Variants in ARHGAP29 observed in about 807,000 individuals in gnomAD.
ARHGAP29 encodes Rho GTPase activating protein 29, also known as rho GTPase-activating protein 29.
Under a neutral mutation model 122.6 loss-of-function variants are expected in ARHGAP29, and 43 were observed. The ratio of observed to expected loss-of-function variants is 0.35; its 90% CI spans 0.27 to 0.45. The LOEUF is 0.45. Ranked by LOEUF, ARHGAP29 falls within the 20% of genes least tolerant of loss-of-function variation. The probability of loss-of-function intolerance (pLI) is 1.00; values close to 1 mark genes in which losing one functional copy is unlikely to be tolerated. For missense variants in ARHGAP29, 1,303 were observed against 1,477.2 expected, an observed-to-expected ratio of 0.88 and a Z score of 1.93; for synonymous variants, 506 against 497.1, an observed-to-expected ratio of 1.02 and a Z score of -0.24.
intron 1 of ARHGAP29, among the ~76,000 whole-genome samples, chr1:94,262,875 C>T (rs1654617241): frequency 6.6e-6 from 1 of 152,098 alleles, no homozygotes; most frequent in Non-Finnish European, 1.5e-5. Context: ...CCATTCAACC[C>T]AGCAATTCCA....
At chr1:94,245,412 G>GA (rs1653756728) in intron 1 of ARHGAP29, among the ~76,000 whole-genome samples, 1 of 152,004 alleles carries the variant, frequency 6.6e-6, no homozygotes, top group African/African-American at 2.4e-5. Context: ...CATGACATAG[G>GA]AAAAAATCAT....
chr1:94,255,255 A>C (rs773689325), intron 1 of ARHGAP29, among the ~76,000 whole-genome samples: 3 of 152,192 alleles, frequency 2.0e-5, no homozygotes, highest in Non-Finnish European at 4.4e-5. Context: ...CAGAGGGAAG[A>C]CCATGTGAAG....
intron 1 of ARHGAP29, among the ~76,000 whole-genome samples, chr1:94,251,734 T>C (rs1654104652): frequency 6.6e-6 from 1 of 152,192 alleles, no homozygotes; most frequent in South Asian, 2.1e-4. Flanking sequence ...TCCCTTTTCC[T>C]TGCTGCCTTC....
chr1:94,201,641 G>C, intron 12 of ARHGAP29, 79 bp downstream of exon 12: 1 of 1,557,144 alleles, frequency 6.4e-7, no homozygotes, highest in East Asian at 2.3e-5. Context: ...CCAAAGTGCT[G>C]GGATTACAGG....
intron 1 of ARHGAP29, among the ~76,000 whole-genome samples, chr1:94,248,328 C>G (rs1653916952): frequency 6.6e-6 from 1 of 152,200 alleles, no homozygotes; most frequent in Non-Finnish European, 1.5e-5. Flanking sequence ...ATTAAGTGCT[C>G]CTTCAGTCAT....
chr1:94,221,013 TTAGA>T, intron 2 of ARHGAP29, among the ~76,000 whole-genome samples: 1 of 152,292 alleles, frequency 6.6e-6, no homozygotes, highest in Admixed American at 6.5e-5. Context: ...TGCTGCTCTC[TTAGA>T]TAGATGAGTT....
At chr1:94,275,433 A>G (rs1318307015), upstream of ARHGAP29, among the ~76,000 whole-genome samples, 2 of 152,348 alleles carry the variant, frequency 1.3e-5, no homozygotes, top group African/African-American at 4.8e-5. Flanking sequence ...TTGCTCTAAT[A>G]TGTTGAAGAA....
At chr1:94,256,057 C>T (rs557171686) in intron 1 of ARHGAP29, among the ~76,000 whole-genome samples, 2 of 152,194 alleles carry the variant, frequency 1.3e-5, no homozygotes, top group East Asian at 3.9e-4. Context: ...TGTTATCATC[C>T]TTATTCAGCT....
chr1:94,188,665 T>C (rs1649952035), intron 15 of ARHGAP29, among the ~76,000 whole-genome samples, 172 bp downstream of exon 15: 1 of 152,118 alleles, frequency 6.6e-6, no homozygotes, highest in Admixed American at 6.6e-5. Context: ...TCGTCTATTC[T>C]TAGCCTGGGT....
chr1:94,270,343 C>A (rs372794218), intron 1 of ARHGAP29, among the ~76,000 whole-genome samples: 24 of 152,294 alleles, frequency 1.6e-4, no homozygotes, highest in Admixed American at 3.9e-4. Context: ...GTCTGATGAG[C>A]CTTTTGGGTT....
chr1:94,210,051 GA>G (rs1327091540), intron 3 of ARHGAP29, among the ~76,000 whole-genome samples: 5 of 152,088 alleles, frequency 3.3e-5, no homozygotes, highest in Non-Finnish European at 7.4e-5. Flanking sequence ...AAACAAAACT[GA>G]AAAAGATTTC....
At chr1:94,304,940 A>G in the ARHGAP29 span, among the ~76,000 whole-genome samples, 1 of 152,274 alleles carries the variant, frequency 6.6e-6, no homozygotes, top group African/African-American at 2.4e-5. Context: ...TGTGAGAGGT[A>G]GATGTCTCTT....
chr1:94,238,045 C>T (rs1210554564), upstream of ARHGAP29, among the ~76,000 whole-genome samples: 2 of 149,038 alleles, frequency 1.3e-5, no homozygotes, highest in Non-Finnish European at 3.0e-5. Flanking sequence ...CCACTTAGGC[C>T]TATCTGTATT....
intron 1 of ARHGAP29, among the ~76,000 whole-genome samples, chr1:94,274,704 A>T (rs1655118134): frequency 6.6e-6 from 1 of 152,198 alleles, no homozygotes; most frequent in African/African-American, 2.4e-5. Flanking sequence ...GGCAATTAGG[A>T]GGCCTCTGGC....
the ARHGAP29 span, among the ~76,000 whole-genome samples, chr1:94,299,297 C>T: frequency 6.6e-6 from 1 of 152,116 alleles, no homozygotes; most frequent in Non-Finnish European, 1.5e-5. Context: ...GAAATTCAGC[C>T]TTCTAATTTT....
At chr1:94,235,659 AT>A (rs1313755123) in intron 1 of ARHGAP29, among the ~76,000 whole-genome samples, 1 of 152,208 alleles carries the variant, frequency 6.6e-6, no homozygotes, top group African/African-American at 2.4e-5. Context: ...TGTGCAAAAT[AT>A]TTTTGACACA....
chr1:94,174,213 G>A lies in ARHGAP29; in HGVS notation c.3442C>T (p.Pro1148Ser), dbSNP rs762374064. The change falls in exon 23 of 23, where the codon CCT (proline) becomes TCT (serine). Residue 1148 changes from proline (P) to serine (S), a missense_variant. This residue lies in a region of ARHGAP29 where 620 missense variants were observed against 651.2 expected (regional missense o/e 0.95). Transcript: ENST00000260526. The part of the protein sequence containing the change: ...ASERRSSDSY[P>S]LAPVRAPRTL... ...CTGGGTGCTCTGACAGGAGCGAGAG[G>A]GTAGGAATCTGAAGACCGTCTCTCA... 10 of 1,614,168 alleles carry A rather than the reference G, an allele frequency of 6.2e-6. No individual in the cohort carries two copies. Among genetic ancestry groups the A allele is most frequent in the Non-Finnish European group, 4.2e-6 (5 of 1,180,034 alleles).
At chr1:94,186,697 T>C (rs914497174) in intron 15 of ARHGAP29, 100 bp from the exon 16 acceptor site, 2 of 868,880 alleles carry the variant, frequency 2.3e-6, no homozygotes, top group Non-Finnish European at 3.6e-6. Flanking sequence ...TACTATTTTA[T>C]TAGCTTCAAT....
At chr1:94,199,786 C>T (rs188567860) in intron 12 of ARHGAP29, among the ~76,000 whole-genome samples, 1 of 152,290 alleles carries the variant, frequency 6.6e-6, no homozygotes, top group East Asian at 1.9e-4. Flanking sequence ...TTACGCTTGC[C>T]AAACCTGGTA....
Sources: gnomAD v4.1 joint callset for allele counts (sites outside exome capture counted in the v4.1 genomes callset) on GRCh38, gnomAD v4.1.1 for gene constraint, gnomAD v4.1.1 regional missense constraint, MANE v1.5 for transcripts, NCBI Gene and HGNC (gene_info 2026-07-23, HGNC 2026-07-21) for gene names.